Variants in GSG1L observed in about 807,000 individuals in gnomAD.
GSG1L encodes germ cell-specific gene 1-like protein.
Under a neutral mutation model 42.1 loss-of-function variants are expected in GSG1L, and 24 were observed. That is an observed-to-expected ratio of 0.57 (90% CI 0.41 to 0.80). The LOEUF is 0.80. GSG1L is among the 30% of genes least tolerant of loss of function. GSG1L has a pLI of 0.00. For missense variants in GSG1L, 445 were observed against 472.2 expected, an observed-to-expected ratio of 0.94 and a Z score of 0.53; for synonymous variants, 215 against 203.5, an observed-to-expected ratio of 1.06 and a Z score of -0.48.
chr16:27,920,564 G>A (rs188393774), intron 2 of GSG1L, among the ~76,000 whole-genome samples: 1 of 152,294 alleles, frequency 6.6e-6, no homozygotes, highest in Admixed American at 6.5e-5. Context: ...CAAAATAGGA[G>A]TGAGACATGT....
At chr16:28,036,507 A>G (rs996847519) in intron 1 of GSG1L, among the ~76,000 whole-genome samples, 1 of 152,126 alleles carries the variant, frequency 6.6e-6, no homozygotes, top group Non-Finnish European at 1.5e-5. Context: ...CACGTCTCCC[A>G]GGGCCCTCCA....
chr16:27,818,932 C>T (rs1012279630), intron 5 of GSG1L, among the ~76,000 whole-genome samples: 3 of 152,072 alleles, frequency 2.0e-5, no homozygotes, highest in Non-Finnish European at 4.4e-5. Flanking sequence ...GTTTTGTCTC[C>T]CGTTTCTCCA....
intron 6 of GSG1L, among the ~76,000 whole-genome samples, chr16:27,799,331 C>G (rs1236941918): frequency 6.6e-6 from 1 of 151,692 alleles, no homozygotes; most frequent in African/African-American, 2.4e-5. Flanking sequence ...GCCAGGAGTT[C>G]GAGACCAGCC....
chr16:27,976,317 C>T (rs964662204), intron 1 of GSG1L, among the ~76,000 whole-genome samples: 4 of 152,134 alleles, frequency 2.6e-5, no homozygotes, highest in African/African-American at 9.7e-5. Flanking sequence ...CTCTGCAACA[C>T]GGAGGCCACA....
intron 1 of GSG1L, among the ~76,000 whole-genome samples, chr16:27,979,690 G>GGAAGGAAGGAAGGAAT (rs2085297529): frequency 5.3e-5 from 1 of 19,044 alleles, no homozygotes; most frequent in South Asian, 4.2e-3. Flanking sequence ...AAAGAAAGAA[G>GGAAGGAAGGAAGGAAT]GAAGGAAGGA....
At chr16:27,804,673 A>T (rs1210548244) in intron 6 of GSG1L, among the ~76,000 whole-genome samples, 1 of 122,234 alleles carries the variant, frequency 8.2e-6, no homozygotes, top group South Asian at 3.0e-4. Flanking sequence ...GGGTCTGATG[A>T]TTCTTTCACA....
intron 1 of GSG1L, among the ~76,000 whole-genome samples, chr16:28,000,167 C>T (rs550285926): frequency 7.2e-5 from 11 of 152,294 alleles, no homozygotes; most frequent in Admixed American, 1.3e-4. Flanking sequence ...ACATTCTGTG[C>T]GCTCAAAAGT....
chr16:27,964,880 A>T (rs1466434310), intron 1 of GSG1L, among the ~76,000 whole-genome samples: 1 of 152,216 alleles, frequency 6.6e-6, no homozygotes, highest in African/African-American at 2.4e-5. Context: ...CAACAGGGTG[A>T]CTGTAGTCAA....
rs531397022 is a variant in GSG1L at position 27,794,206 on chromosome 16, T to TG, written c.899-2740dup. Among the ~76,000 whole-genome samples the TG allele has an allele frequency of 1.4e-3, 206 of 152,298 alleles. 1 individual carries two copies. The highest frequency in any genetic ancestry group is 4.8e-3 in the African/African-American group (201 of 41,560). On this transcript the variant is annotated intron_variant, in intron 6 of 6. Transcript: ENST00000447459. ...ATTATTTATTTATTTTTTGTAGAGA[T>TG]GGGGTCTCGCTCTGTTCCACAGCCT...
intron 1 of GSG1L, among the ~76,000 whole-genome samples, chr16:28,045,633 C>T (rs1021127371): frequency 6.6e-6 from 1 of 152,168 alleles, no homozygotes; most frequent in African/African-American, 2.4e-5. Context: ...GCCGAGACCA[C>T]ACCATTGCAC....
chr16:28,021,513 C>T (rs918222004), intron 1 of GSG1L, among the ~76,000 whole-genome samples: 2 of 152,140 alleles, frequency 1.3e-5, no homozygotes, highest in African/African-American at 4.8e-5. Flanking sequence ...GTTTTACCTA[C>T]GTTAATGCAT....
Position 27,963,936 on chromosome 16 carries a change from G to A in GSG1L, c.350-733C>T, listed in dbSNP as rs180673283. Among the ~76,000 whole-genome samples, 442 of 152,278 alleles carry A rather than the reference G, an allele frequency of 2.9e-3. 2 individuals carry two copies. Among genetic ancestry groups the A allele is most frequent in the Admixed American group, 0.016 (252 of 15,294 alleles). ...GTCACTGAAAGAGAGTGTACTGACC[G>A]CCAAGAACTGGAAGGGAGGATTTAA... On this transcript the variant is annotated intron_variant, in intron 1 of 6. Coordinates refer to ENST00000447459, the MANE Select transcript of GSG1L (RefSeq NM_001109763.2).
chr16:27,969,864 A>T (rs1393628609), intron 1 of GSG1L, among the ~76,000 whole-genome samples: 2 of 152,222 alleles, frequency 1.3e-5, no homozygotes, highest in East Asian at 3.9e-4. Context: ...CTTCAGCAAC[A>T]CTTGCTATTG....
chr16:27,969,433 A>G (rs535456012), intron 1 of GSG1L, among the ~76,000 whole-genome samples: 1 of 152,342 alleles, frequency 6.6e-6, no homozygotes, highest in Non-Finnish European at 1.5e-5. Context: ...ACAAGACATG[A>G]AATGCCATTT....
In GSG1L at chr16:27,884,475, C is replaced by T; in HGVS notation, c.550+11G>A. On this transcript the variant is annotated intron_variant, in intron 3 of 6. Coordinates refer to ENST00000447459, the MANE Select transcript of GSG1L (RefSeq NM_001109763.2). The surrounding 1 kb of genome is among the most constrained non-coding windows in gnomAD (Gnocchi z 4.4). The stretch of plus-strand genomic sequence containing the variant: ...GTGCTCTGAGAGGCCACAGGACCAG[C>T]CATGCCTTACCTGAGAGCACCGTGA... 5 of 1,611,632 alleles carry T rather than the reference C, an allele frequency of 3.1e-6. No individual in the cohort carries two copies. In the South Asian group the frequency reaches 3.3e-5, roughly 11 times the overall value.
At chr16:27,992,885 T>A (rs1457022533) in intron 1 of GSG1L, among the ~76,000 whole-genome samples, 1 of 152,128 alleles carries the variant, frequency 6.6e-6, no homozygotes, top group African/African-American at 2.4e-5. Context: ...ACCCACATCC[T>A]CCACCTTATA....
Position 28,003,764 on chromosome 16 carries a change from C to T in GSG1L, c.350-40561G>A, listed in dbSNP as rs144087036. ...TCCATCTCAATCCCCACCCCCAACC[C>T]AACCAGGGGCCAGGGCTGGCCAGAC... is the stretch of plus-strand genomic sequence containing the variant. On this transcript the variant is annotated intron_variant, in intron 1 of 6. Coordinates refer to ENST00000447459, the MANE Select transcript of GSG1L (RefSeq NM_001109763.2). Among the ~76,000 whole-genome samples the T allele has an allele frequency of 2.0e-4, 30 of 152,318 alleles. 1 individual carries two copies. Among genetic ancestry groups the T allele is most frequent in the African/African-American group, 3.6e-4 (15 of 41,580 alleles).
At chr16:27,823,495 T>A (rs961461916) in intron 5 of GSG1L, among the ~76,000 whole-genome samples, 4 of 152,006 alleles carry the variant, frequency 2.6e-5, no homozygotes, top group African/African-American at 4.8e-5. Context: ...ACAGTTTAAT[T>A]TCTTCCTGTC....
chr16:27,930,337 C>T (rs888245910), intron 2 of GSG1L, among the ~76,000 whole-genome samples: 5 of 152,228 alleles, frequency 3.3e-5, no homozygotes, highest in Non-Finnish European at 7.3e-5. Flanking sequence ...GTGACACCAT[C>T]CCAGCGAGGC....
Sources: gnomAD v4.1 joint callset for allele counts (sites outside exome capture counted in the v4.1 genomes callset) on GRCh38, gnomAD v4.1.1 for gene constraint, Gnocchi (gnomAD v3.1) non-coding constraint, MANE v1.5 for transcripts, NCBI Gene and HGNC (gene_info 2026-07-23, HGNC 2026-07-21) for gene names.